The following NDC1 variants were observed in gnomAD, a reference collection of about 807,000 sequenced individuals.
The protein encoded by NDC1 is nucleoporin NDC1.
Under a neutral mutation model 89.8 loss-of-function variants are expected in NDC1, and 24 were observed. That is an observed-to-expected ratio of 0.27 (90% confidence interval 0.19 to 0.38). The LOEUF is 0.38. Among genes scored for constraint, NDC1 ranks in the 10% least tolerant of loss-of-function variants. The pLI is 1.00. For synonymous variants in NDC1, 296 were observed against 284.8 expected (o/e 1.04, Z -0.39); for missense variants, 728 against 797.6 (o/e 0.91, Z 1.05).
At chr1:53,835,010 G>A (rs1486399376) in intron 2 of NDC1, among the ~76,000 whole-genome samples, 1 of 140,878 alleles carries the variant, frequency 7.1e-6, no homozygotes, top group Non-Finnish European at 1.5e-5. Context: ...TTGAAGATGG[G>A]AAGCAGAGGT....
chr1:53,822,001 TGTTTTC>T (rs1196584229), intron 5 of NDC1, among the ~76,000 whole-genome samples: 1 of 152,262 alleles, frequency 6.6e-6, no homozygotes, highest in Non-Finnish European at 1.5e-5. Flanking sequence ...TGGGTGATTT[TGTTTTC>T]ATCTTTTTTA....
intron 16 of NDC1, among the ~76,000 whole-genome samples, chr1:53,784,977 G>A (rs967734081): frequency 6.6e-6 from 1 of 151,864 alleles, no homozygotes; most frequent in Non-Finnish European, 1.5e-5. Flanking sequence ...AAAAAGCGGG[G>A]GAGGGATGTG....
At chr1:53,796,262 T>C (rs945027425) in intron 13 of NDC1, among the ~76,000 whole-genome samples, 3 of 152,380 alleles carry the variant, frequency 2.0e-5, no homozygotes, top group East Asian at 1.9e-4. Flanking sequence ...TTACAGTCAA[T>C]AGCACGTCAT....
rs777722453 is a variant in NDC1 at position 53,796,907 on chromosome 1, G to A, written c.1460C>T (p.Ser487Leu). 6 of 1,613,740 alleles carry A rather than the reference G, an allele frequency of 3.7e-6. No individual in the cohort carries two copies. The African/African-American group carries it at 5.3e-5, about 14-fold the overall frequency. Reference sequence around the variant, plus strand: ...AAATATATAATTCTCACCAGAAGCTGATGTCCACAATCTTGGCCCCCTTCT... The same window carrying A: ...AAATATATAATTCTCACCAGAAGCTAATGTCCACAATCTTGGCCCCCTTCT... ...LIRRGPRLWT[S>L]ASDQQMTEFS... is the part of the protein sequence containing the mutation. The change falls in exon 12 of 18, where the codon TCA becomes TTA. Residue 487 changes from serine (S) to leucine (L), a missense_variant. By Grantham distance (145) the Ser-to-Leu change is moderately radical. Coordinates refer to ENST00000371429, the MANE Select transcript of NDC1 (RefSeq NM_018087.5).
At chr1:53,794,174 C>T (rs2100647778) in intron 13 of NDC1, among the ~76,000 whole-genome samples, 1 of 152,184 alleles carries the variant, frequency 6.6e-6, no homozygotes, top group African/African-American at 2.4e-5. Context: ...TGGGGTTTTG[C>T]CATGTTGCCC....
In NDC1 at chr1:53,767,949, AAC is replaced by A. The variant is rs776169981; in HGVS notation, c.*19_*20del. ...CTGTAGTTGTATCAGCAGTGTAATG[AAC>A]ACAGTTTATATTACTTAACTATTCT... On this transcript the variant is annotated 3_prime_UTR_variant, in exon 18 of 18. Coordinates refer to ENST00000371429, the MANE Select transcript of NDC1 (RefSeq NM_018087.5). 6 of 1,511,138 alleles carry A rather than the reference AAC, an allele frequency of 4.0e-6. No homozygotes were observed. Among genetic ancestry groups the A allele is most frequent in the South Asian group, 3.5e-5 (3 of 85,106 alleles). 93.6% of individuals were successfully genotyped at this position (1,511,138 alleles called of 1,614,324 possible).
chr1:53,825,036 C>T (rs1648799261), intron 5 of NDC1, among the ~76,000 whole-genome samples: 3 of 151,928 alleles, frequency 2.0e-5, no homozygotes, highest in South Asian at 4.2e-4. Flanking sequence ...TAGCCAGGCA[C>T]AGTGGTGCAC....
chr1:53,769,497 C>T (rs974971854), intron 17 of NDC1, among the ~76,000 whole-genome samples: 7 of 152,102 alleles, frequency 4.6e-5, no homozygotes, highest in Non-Finnish European at 1.0e-4. Flanking sequence ...ATATAAATCC[C>T]ATAACATATG....
chr1:53,830,472 G>A (rs1329963744), intron 3 of NDC1, among the ~76,000 whole-genome samples: 3 of 151,878 alleles, frequency 2.0e-5, no homozygotes, highest in African/African-American at 7.3e-5. Flanking sequence ...AAAACAGAAA[G>A]CAAGCAAGGG....
chr1:53,813,544 T>C (rs765412125), intron 6 of NDC1, among the ~76,000 whole-genome samples: 4 of 152,204 alleles, frequency 2.6e-5, no homozygotes, highest in Non-Finnish European at 5.9e-5. Flanking sequence ...AGGGACATTA[T>C]ATAATGTTAA....
rs80271974 is a variant in NDC1, at chr1:53,793,082, C to T, written c.1635+147G>A. 2,787 of 661,732 alleles carry T rather than the reference C, an allele frequency of 4.2e-3. 57 individuals are homozygous for T. The African/African-American group carries it at 0.046, about 11-fold the overall frequency. 41.0% of individuals were successfully genotyped at this position (661,732 alleles called of 1,614,324 possible). A position where few individuals can be genotyped will look rare whatever the true frequency, so the allele number is the denominator to read the frequency against. On this transcript the variant is annotated intron_variant, in intron 14 of 17. Coordinates refer to ENST00000371429, the MANE Select transcript of NDC1 (RefSeq NM_018087.5). ...GTGTCTAGGGCAACTATTGTTAAAA[C>T]GGAGGTTCAGTGAAGCACTATGCAA...
Position 53,825,938 on chromosome 1 carries a change from T to C in NDC1, c.456-2A>G. ...GTTTGCGCAGCAGGGCTACCAAAGC[T>C]GAAGGGAAAAAATTAAGTTATTAAT... On this transcript the variant is annotated splice_acceptor_variant, in intron 4 of 17. Transcript: ENST00000371429. LOFTEE classifies it high-confidence loss of function. 1 of 1,610,126 alleles carries C rather than the reference T, an allele frequency of 6.2e-7. No homozygotes were observed. Among genetic ancestry groups the C allele is most frequent in the African/African-American group, 1.3e-5 (1 of 74,866 alleles).
chr1:53,823,488 A>T (rs1386263724), intron 5 of NDC1, among the ~76,000 whole-genome samples: 1 of 152,236 alleles, frequency 6.6e-6, no homozygotes, highest in Non-Finnish European at 1.5e-5. Context: ...ACATGGTAGA[A>T]ACAATAATTT....
chr1:53,783,672 CA>C (rs1410996685), intron 16 of NDC1, among the ~76,000 whole-genome samples: 1 of 152,130 alleles, frequency 6.6e-6, no homozygotes, highest in African/African-American at 2.4e-5. Flanking sequence ...AGGAGGACTC[CA>C]CTCTCAATAA....
intron 5 of NDC1, among the ~76,000 whole-genome samples, chr1:53,820,596 C>G (rs1040182420): frequency 6.6e-6 from 1 of 151,750 alleles, no homozygotes; most frequent in South Asian, 2.1e-4. Flanking sequence ...TTGTCTACCT[C>G]TCTCTCCTTC....
At chr1:53,787,010 T>A (rs1256286442) in intron 16 of NDC1, 148 bp downstream of exon 16, 1 of 560,380 alleles carries the variant, frequency 1.8e-6, no homozygotes, top group Non-Finnish European at 3.2e-6. Context: ...GTCTTTTAGA[T>A]TGTAATTTCC....
At chr1:53,783,056 T>C (rs185297643) in intron 16 of NDC1, among the ~76,000 whole-genome samples, 40 of 152,326 alleles carry the variant, frequency 2.6e-4, no homozygotes, top group African/African-American at 7.7e-4. Context: ...AAAGGAATCT[T>C]TGGAACAAAA....
Position 53,828,222 on chromosome 1 carries a change from G to A in NDC1, c.281-49C>T, listed in dbSNP as rs377743559. 4 of 1,551,630 alleles carry A rather than the reference G, an allele frequency of 2.6e-6. No homozygotes were observed. In the African/African-American group the frequency reaches 4.1e-5, roughly 16 times the overall value. ...GGCTTTATAACCTACAGCATATGCA[G>A]TTAGAGGATCTAAACTATCCCCTCT... On this transcript the variant is annotated intron_variant, in intron 3 of 17. Coordinates refer to ENST00000371429, the MANE Select transcript of NDC1 (RefSeq NM_018087.5).
chr1:53,770,856 T>C (rs1398977307), intron 17 of NDC1, among the ~76,000 whole-genome samples: 4 of 151,894 alleles, frequency 2.6e-5, no homozygotes, highest in Non-Finnish European at 5.9e-5. Flanking sequence ...GGTTTCACCA[T>C]GTTGGCCGGG....
Sources: gnomAD v4.1 joint callset for allele counts (sites outside exome capture counted in the v4.1 genomes callset) on GRCh38, gnomAD v4.1.1 for gene constraint, MANE v1.5 for transcripts, NCBI Gene and HGNC (gene_info 2026-07-23, HGNC 2026-07-21) for gene names.